NCAPD3: variants seen among roughly 807,000 people sequenced by gnomAD.
NCAPD3 encodes the protein non-SMC condensin II complex subunit D3.
NCAPD3 carries 105 observed loss-of-function variants against 182.9 expected under a neutral mutation model. That is an observed-to-expected ratio of 0.57 (90% CI 0.49 to 0.68). The LOEUF (loss-of-function observed/expected upper bound fraction) is 0.68. Among genes scored for constraint, NCAPD3 ranks in the 30% least tolerant of loss-of-function variants. The pLI is 0.00. For missense variants in NCAPD3, 1,944 were observed against 1,837.0 expected (o/e 1.06, Z -1.07); for synonymous variants, 815 against 679.9 (o/e 1.20, Z -3.09).
chr11:134,206,033 C>G (rs1301211871), intron 8 of NCAPD3, among the ~76,000 whole-genome samples: 1 of 152,180 alleles, frequency 6.6e-6, no homozygotes, highest in Non-Finnish European at 1.5e-5. Context: ...ACGCAGCAAA[C>G]ATGTCCTTGC....
At chr11:134,175,248 G>T (rs2135971762) in intron 24 of NCAPD3, among the ~76,000 whole-genome samples, 1 of 152,298 alleles carries the variant, frequency 6.6e-6, no homozygotes, top group Middle Eastern at 3.4e-3. Context: ...CCTCCCAGGT[G>T]CATCATCTGA....
intron 27 of NCAPD3, among the ~76,000 whole-genome samples, chr11:134,167,199 T>C (rs1300859324): frequency 4.0e-5 from 4 of 99,456 alleles, no homozygotes; most frequent in South Asian, 3.8e-4. Flanking sequence ...GAGATGAGCT[T>C]AGGGAGAGCA....
intron 24 of NCAPD3, among the ~76,000 whole-genome samples, chr11:134,170,652 G>A (rs1027532871): frequency 8.5e-5 from 13 of 152,248 alleles, no homozygotes; most frequent in African/African-American, 3.1e-4. Flanking sequence ...AATCGACTCA[G>A]TTTAGGTCAA....
intron 17 of NCAPD3, 54 bp from the exon 18 acceptor site, chr11:134,185,054 C>G (rs1944375277): frequency 7.5e-7 from 1 of 1,335,726 alleles, no homozygotes; most frequent in African/African-American, 1.5e-5. Flanking sequence ...ACACTGCTGC[C>G]AACAAAGGCC....
intron 27 of NCAPD3, 55 bp downstream of exon 27, chr11:134,167,941 G>C (rs1472490032): frequency 6.5e-7 from 1 of 1,540,500 alleles, no homozygotes; most frequent in Admixed American, 1.7e-5. Context: ...GATGAGCTTA[G>C]GGGAGCAGCA....
At chr11:134,153,087 CAG>C (rs774912506) in intron 34 of NCAPD3, 35 bp from the exon 35 acceptor site, 34 of 1,612,026 alleles carry the variant, frequency 2.1e-5, no homozygotes, top group Non-Finnish European at 2.9e-5. Flanking sequence ...TTCTGGAACT[CAG>C]AAAAACCCTG....
At position 134,168,464 on chromosome 11, in the gene NCAPD3, C is replaced by T. The variant is rs1356640143; in HGVS notation, c.3373+5G>A. ...CACATTTTCTCCCACACACACTGGG[C>T]TTACCCAAAATACTAAGGCAGATTT... On this transcript the variant is annotated splice_donor_5th_base_variant and intron_variant, in intron 26 of 34. Transcript: ENST00000534548. 1.2e-6 allele frequency: 2 copies of T among 1,614,036 alleles called. No homozygotes were observed. Among genetic ancestry groups the T allele is most frequent in the African/African-American group, 1.3e-5 (1 of 74,938 alleles).
chr11:134,170,247 A>G (rs529457512), intron 24 of NCAPD3, among the ~76,000 whole-genome samples: 1 of 152,340 alleles, frequency 6.6e-6, no homozygotes, highest in African/African-American at 2.4e-5. Flanking sequence ...ATAAAACTCT[A>G]TTCAATAACG....
In NCAPD3 at chr11:134,152,807, TGAG is replaced by T. The variant is rs1277444078; in HGVS notation, c.*134_*136del. ...GAATAGAAGGTGAGTGCCAGGCCCCTGAGGAGGAGCTCTCGTGTTCCACAGCAA... is the reference window on the plus strand; with the variant it reads ...GAATAGAAGGTGAGTGCCAGGCCCCTGAGGAGCTCTCGTGTTCCACAGCAA... On this transcript the variant is annotated 3_prime_UTR_variant, in exon 35 of 35. Coordinates refer to ENST00000534548, the MANE Select transcript of NCAPD3 (RefSeq NM_015261.3). 17 of 672,890 alleles carry T rather than the reference TGAG, an allele frequency of 2.5e-5. No homozygotes were observed. The highest frequency in any genetic ancestry group is 4.2e-5 in the South Asian group (2 of 48,178). 41.7% of individuals were successfully genotyped at this position (672,890 alleles called of 1,614,324 possible). A position where few individuals can be genotyped will look rare whatever the true frequency, so the allele number is the denominator to read the frequency against.
At chr11:134,174,218 C>T (rs1944098361) in intron 24 of NCAPD3, among the ~76,000 whole-genome samples, 1 of 151,086 alleles carries the variant, frequency 6.6e-6, no homozygotes, top group African/African-American at 2.4e-5. Flanking sequence ...CGTGTCTCTA[C>T]AAAAAAGTAC....
rs1943590987 is a variant in NCAPD3, at chr11:134,161,857, G to A, written c.3608C>T (p.Pro1203Leu). ...CACAGTCTTCAGGGAGATGATAATT[G>A]GAATAATATTTTCTATGAAATTCCT... Reference protein sequence around the residue: ...QKRNFIENIIPIIISLKTVLE... With the variant: ...QKRNFIENIILIIISLKTVLE... Residue 1203 changes from proline to leucine, a missense_variant, in exon 28 of 35, where the codon CCA becomes CTA. Transcript: ENST00000534548. 6.3e-7 allele frequency: 1 copy of A among 1,578,298 alleles called. No individual in the cohort carries two copies. The highest frequency in any genetic ancestry group is 8.7e-7 in the Non-Finnish European group (1 of 1,155,594).
upstream of NCAPD3, chr11:134,225,050 C>A: frequency 1.4e-6 from 2 of 1,451,892 alleles, no homozygotes; most frequent in Non-Finnish European, 1.8e-6. Context: ...CTCTGGCCTT[C>A]TTTACCTAGG....
At chr11:134,193,132 T>C (rs544581811) in intron 15 of NCAPD3, among the ~76,000 whole-genome samples, 1 of 152,350 alleles carries the variant, frequency 6.6e-6, no homozygotes, top group South Asian at 2.1e-4. Flanking sequence ...ATTTTACTAG[T>C]AGCTACTAGT....
intron 1 of NCAPD3, chr11:134,223,107 C>A: frequency 5.7e-6 from 2 of 347,982 alleles, no homozygotes; most frequent in Non-Finnish European, 5.3e-6. Context: ...ATAAAGCATG[C>A]CAAGGATGTG....
intron 19 of NCAPD3, among the ~76,000 whole-genome samples, chr11:134,183,620 G>C (rs143901145): frequency 6.6e-6 from 1 of 152,118 alleles, no homozygotes; most frequent in Admixed American, 6.6e-5. Flanking sequence ...GAGATAAAGG[G>C]TTAGAAAAAT....
In NCAPD3 at chr11:134,181,112, C is replaced by T. The variant is rs765721340; in HGVS notation, c.2524G>A (p.Glu842Lys). The T allele has an allele frequency of 6.2e-7, 1 of 1,614,150 alleles. No individual in the cohort carries two copies. The highest frequency in any genetic ancestry group is 2.2e-5 in the East Asian group (1 of 44,878). ...EHRLSNIVLK[E>K]NGTGNMDEDL... ...TCGTCCATATTCCCTGTTCCATTCTCCTTGAGAACGATGTTGGAGAGGCGG... is the reference window on the plus strand; with the variant it reads ...TCGTCCATATTCCCTGTTCCATTCTTCTTGAGAACGATGTTGGAGAGGCGG... Residue 842 changes from glutamate to lysine, a missense_variant, in exon 20 of 35, where the codon GAG (glutamate) becomes AAG (lysine). Coordinates refer to ENST00000534548, the MANE Select transcript of NCAPD3 (RefSeq NM_015261.3).
At position 134,203,697 on chromosome 11, in the gene NCAPD3, A is replaced by T. The variant is rs1489364327; in HGVS notation, c.1425T>A (p.Thr475=). 1.2e-6 allele frequency: 2 copies of T among 1,614,092 alleles called. No individual in the cohort carries two copies. Among genetic ancestry groups the T allele is most frequent in the South Asian group, 2.2e-5 (2 of 91,082 alleles). The change falls in exon 11 of 35, where the codon ACT becomes ACA. Residue 475 remains threonine, a synonymous_variant. Coordinates refer to ENST00000534548, the MANE Select transcript of NCAPD3 (RefSeq NM_015261.3). The part of the protein sequence containing the change: ...LSSFAHCLEL[T]VTSASESILE... ...GGATACTCTCCGACGCACTGGTAAC[A>T]GTCAACTCCAGACAGTGTGCAAAGC...
chr11:134,194,856 A>C (rs993593073), intron 13 of NCAPD3, 118 bp from the exon 14 acceptor site: 46 of 578,018 alleles, frequency 8.0e-5, no homozygotes, highest in African/African-American at 7.6e-4. Flanking sequence ...GCTTGTTTTA[A>C]ATCCTAAGAA....
chr11:134,161,694 G>T (rs1295506921), intron 28 of NCAPD3, 87 bp downstream of exon 28: 2 of 780,488 alleles, frequency 2.6e-6, no homozygotes, highest in Non-Finnish European at 2.1e-6. Flanking sequence ...ATCATTCACG[G>T]ATTGCCTGCA....
Sources: allele counts gnomAD v4.1 joint callset (sites outside exome capture counted in the v4.1 genomes callset), GRCh38; gene constraint gnomAD v4.1.1; transcripts MANE v1.5; gene names NCBI Gene and HGNC (gene_info 2026-07-23, HGNC 2026-07-21).